ZNF483: variants seen among roughly 807,000 people sequenced by gnomAD.
The protein encoded by ZNF483 is zinc finger protein 483, also known as zinc finger protein HIT-10.
In ZNF483, 9 loss-of-function variants were observed where a neutral mutation model predicts 28.6. That is an observed-to-expected ratio of 0.32 (90% CI 0.19 to 0.55). ZNF483 has a LOEUF of 0.55. Ranked by LOEUF, ZNF483 falls within the 20% of genes least tolerant of loss-of-function variation. ZNF483 has a pLI of 0.93. For missense variants in ZNF483, 675 were observed against 871.7 expected (o/e 0.77, Z 2.84); for synonymous variants, 322 against 306.2 (o/e 1.05, Z -0.54).
intron 3 of ZNF483, among the ~76,000 whole-genome samples, chr9:111,531,872 T>TG (rs762203629): frequency 2.6e-5 from 4 of 152,088 alleles, no homozygotes; most frequent in Non-Finnish European, 5.9e-5. Flanking sequence ...TTTGTAGAGT[T>TG]GGGGTCTTGC....
rs1403546123 is a variant in ZNF483 at position 111,545,399 on chromosome 9, T to TCTTTA, written c.*2229_*2230insCTTTA. Among the ~76,000 whole-genome samples, 9 of 152,170 alleles carry TCTTTA rather than the reference T, an allele frequency of 5.9e-5. No homozygotes were observed. The highest frequency in any genetic ancestry group is 2.2e-4 in the African/African-American group (9 of 41,444). On this transcript the variant is annotated 3_prime_UTR_variant, in exon 6 of 6. Coordinates refer to ENST00000309235, the MANE Select transcript of ZNF483 (RefSeq NM_133464.5). ...CAGTATCCATTGGGAATCTGGAGTA[T>TCTTTA]AAACTTTTTTTTTAAAGGAATTTAT...
Position 111,545,955 on chromosome 9 carries a change from A to T in ZNF483, c.*2785A>T, listed in dbSNP as rs1827797679. On this transcript the variant is annotated 3_prime_UTR_variant, in exon 6 of 6. Transcript: ENST00000309235. ...TTGCTAGGTCATACGGTAAATTTTC[A>T]TTTAACTTTTTTAGGAAACTGCCAA... Among the ~76,000 whole-genome samples the T allele has an allele frequency of 6.6e-6, 1 of 152,146 alleles. No homozygotes were observed. The highest frequency in any genetic ancestry group is 1.9e-4 in the East Asian group (1 of 5,196).
downstream of ZNF483, among the ~76,000 whole-genome samples, chr9:111,558,159 T>C (rs529193934): frequency 1.3e-5 from 2 of 152,122 alleles, no homozygotes; most frequent in Non-Finnish European, 2.9e-5. Flanking sequence ...AAAAAAAAAC[T>C]ATGGAAGTAC....
chr9:111,566,976 C>A (rs10980949), intron 5 of ZNF483, among the ~76,000 whole-genome samples: 2,732 of 151,980 alleles, frequency 0.018, 26 homozygotes, highest in Non-Finnish European at 0.027. Context: ...GTTGTCCCAG[C>A]TACTCAGGAG....
At chr9:111,530,544 C>G (rs770700368) in intron 2 of ZNF483, among the ~76,000 whole-genome samples, 10 of 151,268 alleles carry the variant, frequency 6.6e-5, no homozygotes, top group Non-Finnish European at 1.2e-4. Flanking sequence ...TGGACTGAGG[C>G]CTTAACCTTT....
In ZNF483 at chr9:111,550,171, C is replaced by T. The variant is rs1331043747; in HGVS notation, c.*7001C>T. ...AAGTTGTCTCAATTCTTTACAGAGC[C>T]TGCGTTTTTCCCTGGGCGGGAGCAA... On this transcript the variant is annotated 3_prime_UTR_variant, in exon 6 of 6. Transcript: ENST00000309235. Among the ~76,000 whole-genome samples the T allele has an allele frequency of 6.6e-6, 1 of 152,172 alleles. No homozygotes were observed. Among genetic ancestry groups the T allele is most frequent in the Non-Finnish European group, 1.5e-5 (1 of 68,032 alleles).
chr9:111,536,282 G>A (rs1458424397), intron 5 of ZNF483, among the ~76,000 whole-genome samples: 2 of 152,114 alleles, frequency 1.3e-5, no homozygotes, highest in African/African-American at 4.8e-5. Flanking sequence ...CACTTTGGGA[G>A]GCTGAGGCAG....
At chr9:111,531,192 G>A (rs1658667845) in intron 3 of ZNF483, among the ~76,000 whole-genome samples, 1 of 151,790 alleles carries the variant, frequency 6.6e-6, no homozygotes, top group Non-Finnish European at 1.5e-5. Context: ...GCAAGACCCT[G>A]TCTCTAAAAA....
chr9:111,528,555 T>G (rs993987158), intron 2 of ZNF483, among the ~76,000 whole-genome samples: 6 of 152,194 alleles, frequency 3.9e-5, no homozygotes, highest in Admixed American at 1.3e-4. Flanking sequence ...TGTAGCTATT[T>G]ATGTTCTCAA....
intron 2 of ZNF483, among the ~76,000 whole-genome samples, chr9:111,528,768 G>C (rs550647827): frequency 6.6e-6 from 1 of 152,194 alleles, no homozygotes; most frequent in African/African-American, 2.4e-5. Context: ...TCAAATTTGG[G>C]TTTCCTGACT....
chr9:111,554,338 TC>T lies in ZNF483; in HGVS notation c.*11169del, dbSNP rs1828059808. 6.6e-6 allele frequency among the ~76,000 whole-genome samples: 1 copy of T among 152,166 alleles called. No individual in the cohort carries two copies. Reference sequence around the variant, plus strand: ...CTTCTACTCTTCCGTTGCCCAGAGATCAATCATATAACCCTAACCTAACTTA... The same window carrying T: ...CTTCTACTCTTCCGTTGCCCAGAGATAATCATATAACCCTAACCTAACTTA... On this transcript the variant is annotated 3_prime_UTR_variant, in exon 6 of 6. Coordinates refer to ENST00000309235, the MANE Select transcript of ZNF483 (RefSeq NM_133464.5).
downstream of ZNF483, among the ~76,000 whole-genome samples, chr9:111,558,455 A>G (rs540204295): frequency 2.6e-5 from 4 of 152,256 alleles, no homozygotes; most frequent in East Asian, 3.9e-4. Context: ...AGGTAAGAGG[A>G]TCTCTTTAGC....
rs1463600397 is a variant in ZNF483, at chr9:111,551,767, C to A, written c.*8597C>A. Among the ~76,000 whole-genome samples the A allele has an allele frequency of 6.6e-6, 1 of 152,176 alleles. No homozygotes were observed. Among genetic ancestry groups the A allele is most frequent in the Non-Finnish European group, 1.5e-5 (1 of 68,040 alleles). On this transcript the variant is annotated 3_prime_UTR_variant, in exon 6 of 6. Coordinates refer to ENST00000309235, the MANE Select transcript of ZNF483 (RefSeq NM_133464.5). ...TTTATTAGAAAAATTCATTTAATAT[C>A]TAGGCAAAATTATATCACTTTCAAA...
intron 1 of ZNF483, among the ~76,000 whole-genome samples, chr9:111,526,689 A>C (rs1488935785): frequency 6.6e-6 from 1 of 152,238 alleles, no homozygotes; most frequent in East Asian, 1.9e-4. Context: ...GTTGTTAAAT[A>C]GCTTTGTGAC....
chr9:111,543,318 T>G lies in ZNF483; in HGVS notation c.*148T>G, dbSNP rs1827718991. 7.1e-7 allele frequency: 1 copy of G among 1,404,248 alleles called. No individual in the cohort carries two copies. The highest frequency in any genetic ancestry group is 3.1e-5 in the Admixed American group (1 of 31,804). The allele number at this position is 1,404,248 out of a possible 1,614,324, so 87.0% of individuals were successfully genotyped here. On this transcript the variant is annotated 3_prime_UTR_variant, in exon 6 of 6. Transcript: ENST00000309235. ...TATCCTTTTGCCCATTCATCCCTCT[T>G]CTTTTCAAGGATGGCAACGACTGGT...
At chr9:111,534,222 T>C (rs781732963) in intron 4 of ZNF483, 39 bp from the exon 5 acceptor site, 1 of 1,561,486 alleles carries the variant, frequency 6.4e-7, no homozygotes, top group East Asian at 2.2e-5. Context: ...CTTTACTCTA[T>C]GCAAAACAGC....
intron 5 of ZNF483, among the ~76,000 whole-genome samples, chr9:111,540,599 G>A (rs1339015234): frequency 1.3e-5 from 2 of 152,158 alleles, no homozygotes; most frequent in Non-Finnish European, 2.9e-5. Context: ...GAATAGTACT[G>A]GAACTGCAGC....
At chr9:111,535,531 C>T (rs1462745889) in intron 5 of ZNF483, among the ~76,000 whole-genome samples, 1 of 152,148 alleles carries the variant, frequency 6.6e-6, no homozygotes, top group East Asian at 1.9e-4. Context: ...CACTGGTTAT[C>T]TTTGAAGAAT....
Position 111,543,879 on chromosome 9 carries a change from T to C in ZNF483, c.*709T>C. On this transcript the variant is annotated 3_prime_UTR_variant, in exon 6 of 6. Coordinates refer to ENST00000309235, the MANE Select transcript of ZNF483 (RefSeq NM_133464.5). The stretch of plus-strand genomic sequence containing the variant: ...AAGTGATCCTTCCATCTCACTTTCC[T>C]GAGTAGCTGACATTACGGGTACACT... 2 of 983,824 alleles carry C rather than the reference T, an allele frequency of 2.0e-6. No homozygotes were observed. Among genetic ancestry groups the C allele is most frequent in the Non-Finnish European group, 2.4e-6 (2 of 828,694 alleles). The allele number at this position is 983,824 out of a possible 1,614,324, so 60.9% of individuals were successfully genotyped here. A position where few individuals can be genotyped will look rare whatever the true frequency, so the allele number is the denominator to read the frequency against.
Sources: allele counts gnomAD v4.1 joint callset (sites outside exome capture counted in the v4.1 genomes callset), GRCh38; gene constraint gnomAD v4.1.1; transcripts MANE v1.5; gene names NCBI Gene and HGNC (gene_info 2026-07-23, HGNC 2026-07-21).